The following HPSE2 variants were observed in gnomAD, a reference collection of about 807,000 sequenced individuals.
HPSE2 encodes inactive heparanase-2.
Under a neutral mutation model 60.5 loss-of-function variants are expected in HPSE2, and 38 were observed. That is an observed-to-expected ratio of 0.63 (90% CI 0.48 to 0.82). The LOEUF is 0.82. Among genes scored for constraint, HPSE2 ranks in the 40% least tolerant of loss-of-function variants. The pLI is 0.00. For synonymous variants in HPSE2, 295 were observed against 293.2 expected (o/e 1.01, Z -0.06); for missense variants, 713 against 740.4 (o/e 0.96, Z 0.43).
intron 2 of HPSE2, among the ~76,000 whole-genome samples, chr10:99,191,186 G>A (rs557876276): frequency 1.3e-5 from 2 of 152,114 alleles, no homozygotes; most frequent in Non-Finnish European, 2.9e-5. Flanking sequence ...GGACCTACCT[G>A]GGGCTGGGGG....
chr10:99,059,855 AG>A (rs1471191074), intron 3 of HPSE2, among the ~76,000 whole-genome samples: 1 of 152,174 alleles, frequency 6.6e-6, no homozygotes, highest in Non-Finnish European at 1.5e-5. Flanking sequence ...AAAAATGTAC[AG>A]TCTAGTTGTA....
intron 3 of HPSE2, among the ~76,000 whole-genome samples, chr10:98,994,071 G>A (rs1168104637): frequency 6.6e-6 from 1 of 152,102 alleles, no homozygotes; most frequent in Non-Finnish European, 1.5e-5. Flanking sequence ...AAGCATGAAG[G>A]CTTTGAAGTC....
chr10:98,739,884 A>G (rs990413070), intron 4 of HPSE2, among the ~76,000 whole-genome samples: 1 of 152,158 alleles, frequency 6.6e-6, no homozygotes, highest in South Asian at 2.1e-4. Flanking sequence ...GTGATTAAGT[A>G]TAGCTCTCTA....
At chr10:98,613,156 T>C (rs2133971450) in intron 9 of HPSE2, among the ~76,000 whole-genome samples, 1 of 152,334 alleles carries the variant, frequency 6.6e-6, no homozygotes, top group Non-Finnish European at 1.5e-5. Flanking sequence ...GCTCTCTTAT[T>C]TGTTGATTCA....
intron 9 of HPSE2, among the ~76,000 whole-genome samples, chr10:98,560,977 A>G (rs1361681917): frequency 6.6e-6 from 1 of 152,188 alleles, no homozygotes; most frequent in African/African-American, 2.4e-5. Context: ...ATGATACTAT[A>G]GTTTTCATCA....
chr10:99,221,125 A>G (rs1476044708), intron 2 of HPSE2, among the ~76,000 whole-genome samples: 1 of 152,126 alleles, frequency 6.6e-6, no homozygotes, highest in African/African-American at 2.4e-5. Context: ...AATTACAGGC[A>G]TGAGCCACCG....
chr10:98,717,144 C>T (rs561370716), intron 5 of HPSE2, among the ~76,000 whole-genome samples: 18 of 152,018 alleles, frequency 1.2e-4, no homozygotes, highest in Non-Finnish European at 2.4e-4. Context: ...TGCTAGCTTC[C>T]AACTTTCCTT....
chr10:98,792,881 G>A (rs1950689102), intron 3 of HPSE2, among the ~76,000 whole-genome samples: 1 of 152,182 alleles, frequency 6.6e-6, no homozygotes, highest in South Asian at 2.1e-4. Flanking sequence ...CTTTGAAAAG[G>A]TCAGAAGAAG....
chr10:98,748,949 A>G (rs753485636), intron 3 of HPSE2, among the ~76,000 whole-genome samples: 8 of 152,194 alleles, frequency 5.3e-5, no homozygotes, highest in Non-Finnish European at 7.4e-5. Flanking sequence ...ATGAGACCTT[A>G]AAGAATGAGT....
Position 98,644,594 on chromosome 10 carries a change from GGCTTTGCTTGAACATATCCAGGGACAA to G in HPSE2, c.1005-2681_1005-2655del, listed in dbSNP as rs1946719573. Among the ~76,000 whole-genome samples, 4 of 152,310 alleles carry G rather than the reference GGCTTTGCTTGAACATATCCAGGGACAA, an allele frequency of 2.6e-5. No individual in the cohort carries two copies. In the South Asian group the frequency reaches 6.2e-4, roughly 24 times the overall value. ...CAATATCCCTTAGAAGTGATTTTCT[GGCTTTGCTTGAACATATCCAGGGACAA>G]GAATTCACTGTCATACACTACTAGG... On this transcript the variant is annotated intron_variant, in intron 6 of 11. Coordinates refer to ENST00000370552, the MANE Select transcript of HPSE2 (RefSeq NM_021828.5).
intron 11 of HPSE2, among the ~76,000 whole-genome samples, chr10:98,479,396 G>A (rs927091167): frequency 3.3e-5 from 5 of 152,172 alleles, no homozygotes; most frequent in Non-Finnish European, 5.9e-5. Flanking sequence ...ATAAAAGAGA[G>A]AAAGAGACAC....
At chr10:98,528,505 A>G (rs1000878272) in intron 9 of HPSE2, among the ~76,000 whole-genome samples, 1 of 152,218 alleles carries the variant, frequency 6.6e-6, no homozygotes, top group African/African-American at 2.4e-5. Context: ...GCTTTGATCA[A>G]CACTCATTTC....
intron 10 of HPSE2, among the ~76,000 whole-genome samples, chr10:98,484,332 C>T (rs1477946101): frequency 6.6e-6 from 1 of 152,072 alleles, no homozygotes; most frequent in Non-Finnish European, 1.5e-5. Flanking sequence ...CCGCCTCCTG[C>T]GTTCAGGCAA....
intron 3 of HPSE2, among the ~76,000 whole-genome samples, chr10:98,995,695 C>G (rs1001541387): frequency 6.6e-6 from 1 of 152,052 alleles, no homozygotes; most frequent in Non-Finnish European, 1.5e-5. Flanking sequence ...AAATACAACA[C>G]TTATATCTGA....
In HPSE2 at chr10:98,967,658, G is replaced by A. The variant is rs568274126; in HGVS notation, c.610+176580C>T. 3.9e-5 allele frequency among the ~76,000 whole-genome samples: 6 copies of A among 152,246 alleles called. 1 individual carries two copies. The South Asian group carries it at 1.2e-3, about 32-fold the overall frequency. ...AGAATTCACATGTGGTCAAGCCTCAGACAGACTCTAAGCTTAGTTTGGAAA... is the reference window on the plus strand; with the variant it reads ...AGAATTCACATGTGGTCAAGCCTCAAACAGACTCTAAGCTTAGTTTGGAAA... On this transcript the variant is annotated intron_variant, in intron 3 of 11. Transcript: ENST00000370552.
At chr10:99,207,595 C>T (rs1008125830) in intron 2 of HPSE2, among the ~76,000 whole-genome samples, 3 of 151,914 alleles carry the variant, frequency 2.0e-5, no homozygotes, top group Non-Finnish European at 2.9e-5. Flanking sequence ...ATAAAGGAAC[C>T]TTAACAATAA....
At chr10:98,778,767 T>A (rs539057048) in intron 3 of HPSE2, among the ~76,000 whole-genome samples, 41 of 152,318 alleles carry the variant, frequency 2.7e-4, no homozygotes, top group Middle Eastern at 3.4e-3. Flanking sequence ...AAGTAGATGA[T>A]TAAATCAGAT....
At chr10:99,032,932 T>C (rs7075011) in intron 3 of HPSE2, among the ~76,000 whole-genome samples, 7 of 152,198 alleles carry the variant, frequency 4.6e-5, no homozygotes, top group Non-Finnish European at 1.0e-4. Flanking sequence ...TGGATCTACC[T>C]AGACAATCCA....
At chr10:99,252,328 C>T in the HPSE2 span, among the ~76,000 whole-genome samples, 3 of 151,866 alleles carry the variant, frequency 2.0e-5, no homozygotes, top group South Asian at 6.2e-4. Flanking sequence ...GAGCAATCAT[C>T]CAAGAGAAAG....
Sources: gnomAD v4.1 joint callset for allele counts (sites outside exome capture counted in the v4.1 genomes callset) on GRCh38, gnomAD v4.1.1 for gene constraint, MANE v1.5 for transcripts, NCBI Gene and HGNC (gene_info 2026-07-23, HGNC 2026-07-21) for gene names.